MGAT4C: variants seen among roughly 807,000 people sequenced by gnomAD.
MGAT4C encodes the protein MGAT4 family member C.
In MGAT4C, 19 loss-of-function variants were observed where a neutral mutation model predicts 40.1. The observed-to-expected ratio is 0.47, with a 90% CI of 0.33 to 0.70. MGAT4C has a LOEUF of 0.70. Among genes scored for constraint, MGAT4C ranks in the 30% least tolerant of loss-of-function variants. The probability of loss-of-function intolerance (pLI) is 0.02; values close to 1 mark genes in which losing one functional copy is unlikely to be tolerated. For missense variants in MGAT4C, 491 were observed against 563.2 expected (o/e 0.87, Z 1.30); for synonymous variants, 181 against 187.1 (o/e 0.97, Z 0.27).
chr12:86,427,919 C>T (rs1420664223), intron 3 of MGAT4C, among the ~76,000 whole-genome samples: 1 of 152,034 alleles, frequency 6.6e-6, no homozygotes, highest in Admixed American at 6.5e-5. Context: ...ACTCGGGAGG[C>T]TGAGGCAGGA....
intron 2 of MGAT4C, among the ~76,000 whole-genome samples, chr12:86,494,541 T>C (rs1454411011): frequency 6.6e-6 from 1 of 151,722 alleles, no homozygotes; most frequent in Non-Finnish European, 1.5e-5. Flanking sequence ...TAAAGAAATA[T>C]ATTTTATTTA....
chr12:86,444,073 T>C (rs1379112148), intron 2 of MGAT4C, among the ~76,000 whole-genome samples: 1 of 152,218 alleles, frequency 6.6e-6, no homozygotes, highest in African/African-American at 2.4e-5. Context: ...AGTAACCATA[T>C]TTCTACATTG....
At chr12:86,657,248 G>C (rs1963873334) in intron 2 of MGAT4C, among the ~76,000 whole-genome samples, 1 of 151,954 alleles carries the variant, frequency 6.6e-6, no homozygotes, top group African/African-American at 2.4e-5. Context: ...ATAAAGCTTT[G>C]AGTGAAAACA....
chr12:86,586,948 T>G (rs1334151817), intron 2 of MGAT4C, among the ~76,000 whole-genome samples: 1 of 152,154 alleles, frequency 6.6e-6, no homozygotes, highest in Non-Finnish European at 1.5e-5. Context: ...CAGAAGCTCT[T>G]TAGTTTAATT....
intron 2 of MGAT4C, among the ~76,000 whole-genome samples, chr12:86,488,938 A>C (rs11835193): frequency 0.071 from 10,859 of 152,184 alleles, 913 homozygotes; most frequent in East Asian, 0.24. Context: ...TCCCTGGCAA[A>C]ACCCCACCTT....
chr12:86,543,417 T>C (rs749605695), intron 2 of MGAT4C, among the ~76,000 whole-genome samples: 66 of 151,904 alleles, frequency 4.3e-4, no homozygotes, highest in Non-Finnish European at 8.0e-4. Flanking sequence ...AATATATAAA[T>C]TATAAAAATT....
chr12:86,098,810 G>C (rs1268450426), intron 1 of MGAT4C, among the ~76,000 whole-genome samples: 1 of 151,544 alleles, frequency 6.6e-6, no homozygotes, highest in Non-Finnish European at 1.5e-5. Flanking sequence ...TAATGTTTGT[G>C]AGAGCTGCAT....
intron 1 of MGAT4C, among the ~76,000 whole-genome samples, chr12:86,108,648 GA>G (rs1876655571): frequency 6.6e-6 from 1 of 152,030 alleles, no homozygotes; most frequent in Non-Finnish European, 1.5e-5. Context: ...TTCGTGTCCT[GA>G]AAAATCCTTT....
At chr12:86,588,957 T>C (rs1357169544) in intron 2 of MGAT4C, among the ~76,000 whole-genome samples, 2 of 149,052 alleles carry the variant, frequency 1.3e-5, no homozygotes. Context: ...GCAGAAAAGA[T>C]CCAAAATTGA....
intron 2 of MGAT4C, among the ~76,000 whole-genome samples, chr12:86,514,643 C>T (rs1042398647): frequency 9.9e-5 from 15 of 152,184 alleles, no homozygotes; most frequent in African/African-American, 3.4e-4. Context: ...GATAAAAGAA[C>T]CCTGTGACTA....
chr12:86,735,793 T>C (rs1292450351), intron 1 of MGAT4C, among the ~76,000 whole-genome samples: 1 of 151,820 alleles, frequency 6.6e-6, no homozygotes, highest in Admixed American at 6.6e-5. Flanking sequence ...ACCTACATGT[T>C]TTTCTCTTAA....
At chr12:86,611,920 C>T (rs1294010679) in intron 2 of MGAT4C, among the ~76,000 whole-genome samples, 1 of 151,926 alleles carries the variant, frequency 6.6e-6, no homozygotes, top group East Asian at 1.9e-4. Context: ...TGTTTTAATA[C>T]TTTAAATACA....
rs1878852109 is a variant in MGAT4C at position 86,118,713 on chromosome 12, G to T, written c.-56-68990C>A. Among the ~76,000 whole-genome samples, 4 of 151,962 alleles carry T rather than the reference G, an allele frequency of 2.6e-5. No homozygotes were observed. In the South Asian group the frequency reaches 8.3e-4, roughly 31 times the overall value. Reference sequence around the variant, plus strand: ...CTATATTAGATTTTTTAAAAGGATGGTTTATACTGACTTTAAAAATAAATA... The same window carrying T: ...CTATATTAGATTTTTTAAAAGGATGTTTTATACTGACTTTAAAAATAAATA... On this transcript the variant is annotated intron_variant, in intron 1 of 4. Coordinates refer to ENST00000611864, the MANE Select transcript of MGAT4C (RefSeq NM_001351288.2).
intron 2 of MGAT4C, among the ~76,000 whole-genome samples, chr12:86,710,901 C>G (rs1950544906): frequency 6.6e-6 from 1 of 152,076 alleles, no homozygotes; most frequent in South Asian, 2.1e-4. Context: ...GGATGGACCT[C>G]AAGACCATTA....
chr12:86,496,380 TA>T (rs1398729002), intron 2 of MGAT4C, among the ~76,000 whole-genome samples: 4 of 152,040 alleles, frequency 2.6e-5, no homozygotes. Context: ...ATGAGCGTAA[TA>T]ATTATTAGAA....
intron 1 of MGAT4C, among the ~76,000 whole-genome samples, chr12:86,776,191 T>G (rs1951746473): frequency 6.6e-6 from 1 of 151,990 alleles, no homozygotes; most frequent in Non-Finnish European, 1.5e-5. Context: ...TCAGGGACCA[T>G]TGATAATGGA....
At chr12:86,035,185 C>T (rs1197707695) in intron 2 of MGAT4C, among the ~76,000 whole-genome samples, 1 of 150,166 alleles carries the variant, frequency 6.7e-6, no homozygotes, top group Non-Finnish European at 1.5e-5. Context: ...TACACTCCTA[C>T]CAGCAGTGTA....
At chr12:86,356,025 C>A (rs183743089) in intron 3 of MGAT4C, among the ~76,000 whole-genome samples, 15 of 152,076 alleles carry the variant, frequency 9.9e-5, no homozygotes, top group African/African-American at 3.6e-4. Flanking sequence ...GGTAAGATAT[C>A]TAGATTATAT....
chr12:86,833,054 T>C (rs564136459), intron 1 of MGAT4C, among the ~76,000 whole-genome samples: 1 of 152,036 alleles, frequency 6.6e-6, no homozygotes, highest in East Asian at 1.9e-4. Flanking sequence ...TAGAAGAAAT[T>C]GGTCTAGTTA....
Sources: allele counts gnomAD v4.1 joint callset (sites outside exome capture counted in the v4.1 genomes callset), GRCh38; gene constraint gnomAD v4.1.1; transcripts MANE v1.5; gene names NCBI Gene and HGNC (gene_info 2026-07-23, HGNC 2026-07-21).